Variants in TLL1 observed in about 807,000 individuals in gnomAD.
TLL1 encodes the protein tolloid-like protein 1.
Under a neutral mutation model 128.2 loss-of-function variants are expected in TLL1, and 49 were observed. That is an observed-to-expected ratio of 0.38 (90% CI 0.30 to 0.48). TLL1 has a LOEUF of 0.48. TLL1 is among the 20% of genes least tolerant of loss of function. The pLI is 0.96. For missense variants in TLL1, 1,123 were observed against 1,242.0 expected, an observed-to-expected ratio of 0.90 and a Z score of 1.44; for synonymous variants, 454 against 418.8, an observed-to-expected ratio of 1.08 and a Z score of -1.03.
Position 166,065,873 on chromosome 4 carries a change from T to C in TLL1, c.2188+10T>C, listed in dbSNP as rs1279576247. ...GCACATTTTTTCTCAGGTATAAGCA[T>C]TCACATGTTGTATGTGTATATTACA... On this transcript the variant is annotated intron_variant, in intron 16 of 20. Transcript: ENST00000061240. 6.3e-7 allele frequency: 1 copy of C among 1,592,012 alleles called. No homozygotes were observed. Among genetic ancestry groups the C allele is most frequent in the Non-Finnish European group, 8.6e-7 (1 of 1,168,880 alleles).
chr4:165,958,636 A>G (rs112469774), intron 1 of TLL1, among the ~76,000 whole-genome samples: 4,671 of 124,910 alleles, frequency 0.037, 120 homozygotes, highest in African/African-American at 0.13. Flanking sequence ...AGTAGGTTGC[A>G]AAAATTTTCT....
chr4:166,020,612 C>G (rs1389971256), intron 8 of TLL1, among the ~76,000 whole-genome samples: 1 of 152,078 alleles, frequency 6.6e-6, no homozygotes, highest in African/African-American at 2.4e-5. Context: ...ATTACTTTCC[C>G]TTCTTATTAC....
At chr4:166,056,924 T>A (rs1051442413) in intron 13 of TLL1, among the ~76,000 whole-genome samples, 1 of 152,124 alleles carries the variant, frequency 6.6e-6, no homozygotes, top group African/African-American at 2.4e-5. Context: ...AGAAATGAAT[T>A]GTTTCCATTT....
intron 14 of TLL1, among the ~76,000 whole-genome samples, chr4:166,057,726 G>T (rs898737248): frequency 6.6e-6 from 1 of 152,160 alleles, no homozygotes; most frequent in African/African-American, 2.4e-5. Flanking sequence ...AAGGCACGTC[G>T]TATATGGCAG....
At chr4:165,874,309 G>A (rs1730627201) in intron 1 of TLL1, among the ~76,000 whole-genome samples, 1 of 152,084 alleles carries the variant, frequency 6.6e-6, no homozygotes, top group Admixed American at 6.5e-5. Context: ...CCATCTCCCA[G>A]TTTGGGAATA....
In TLL1 at chr4:166,091,293, T is replaced by C; in HGVS notation, c.2608T>C (p.Ser870Pro). 6.2e-7 allele frequency: 1 copy of C among 1,613,056 alleles called. No homozygotes were observed. The highest frequency in any genetic ancestry group is 8.5e-7 in the Non-Finnish European group (1 of 1,179,390). ...AAATAAAATGTTTGTTCGGTTTGTT[T>C]CTGATGCATCTGTTCAAAGAAAAGG... ...TGNKMFVRFVSDASVQRKGFQ... is the reference protein window; with the variant it reads ...TGNKMFVRFVPDASVQRKGFQ... Residue 870 changes from serine (S) to proline (P), a missense_variant, in exon 19 of 21, where the codon TCT becomes CCT. Physicochemically the swap from Ser to Pro is moderately conservative, Grantham distance 74. Around this residue, in one of 3 missense-constraint regions of TLL1, gnomAD observed 634 missense variants for 672.4 expected, o/e 0.94. Coordinates refer to ENST00000061240, the MANE Select transcript of TLL1 (RefSeq NM_012464.5).
At chr4:166,049,268 C>A (rs55999104) in intron 12 of TLL1, among the ~76,000 whole-genome samples, 17,930 of 152,142 alleles carry the variant, frequency 0.12, 1,132 homozygotes, top group African/African-American at 0.17. Flanking sequence ...CAAGCCCTGG[C>A]TCTGTGCATT....
intron 7 of TLL1, among the ~76,000 whole-genome samples, chr4:166,012,721 G>A (rs1042031750): frequency 6.6e-6 from 1 of 151,564 alleles, no homozygotes; most frequent in African/African-American, 2.4e-5. Context: ...GGTTTCTTAT[G>A]AACTATGCAC....
chr4:165,878,211 A>T (rs548183037), intron 1 of TLL1, among the ~76,000 whole-genome samples: 1 of 152,052 alleles, frequency 6.6e-6, no homozygotes, highest in African/African-American at 2.4e-5. Context: ...GTTCTTTTCC[A>T]TATCTTTATT....
At chr4:166,032,408 G>A (rs1387668671) in intron 9 of TLL1, among the ~76,000 whole-genome samples, 2 of 152,050 alleles carry the variant, frequency 1.3e-5, no homozygotes, top group African/African-American at 2.4e-5. Flanking sequence ...TAATATGGGG[G>A]AGTGGGTTGC....
At chr4:166,046,995 A>G (rs1250035159) in intron 12 of TLL1, among the ~76,000 whole-genome samples, 3 of 152,144 alleles carry the variant, frequency 2.0e-5, no homozygotes, top group East Asian at 3.9e-4. Flanking sequence ...TTGTTTACAT[A>G]TGTTTTCAAT....
intron 19 of TLL1, among the ~76,000 whole-genome samples, chr4:166,096,096 T>C (rs1298965749): frequency 1.3e-5 from 2 of 152,128 alleles, no homozygotes; most frequent in African/African-American, 2.4e-5. Flanking sequence ...GGGCATATTA[T>C]AGGTTGGTGC....
At chr4:166,071,796 T>A (rs1197261193) in intron 16 of TLL1, among the ~76,000 whole-genome samples, 2 of 152,016 alleles carry the variant, frequency 1.3e-5, no homozygotes, top group Non-Finnish European at 2.9e-5. Context: ...AGAATTTATC[T>A]TTTATGAAGT....
chr4:166,102,768 A>AT lies in TLL1; in HGVS notation c.*1897dup, dbSNP rs1742351095. The stretch of plus-strand genomic sequence containing the variant: ...CATATGAATTGTAAAATGTAAATAC[A>AT]TTTTTATAACCAATGTTTTGATCTT... On this transcript the variant is annotated 3_prime_UTR_variant, in exon 21 of 21. Coordinates refer to ENST00000061240, the MANE Select transcript of TLL1 (RefSeq NM_012464.5). 1 of 151,888 alleles carries AT rather than the reference A, an allele frequency of 6.6e-6. No individual in the cohort carries two copies. Among genetic ancestry groups the AT allele is most frequent in the Admixed American group, 6.6e-5 (1 of 15,212 alleles). The allele number at this position is 151,888 out of a possible 1,614,324, so 9.4% of individuals were successfully genotyped here.
rs1742277469 is a variant in TLL1 at position 166,101,316 on chromosome 4, T to A, written c.*440T>A. The A allele has an allele frequency of 3.9e-6, 1 of 256,826 alleles. No homozygotes were observed. Among genetic ancestry groups the A allele is most frequent in the Non-Finnish European group, 7.5e-6 (1 of 132,496 alleles). The allele number at this position is 256,826 out of a possible 1,614,324, so 15.9% of individuals were successfully genotyped here. A position where few individuals can be genotyped will look rare whatever the true frequency, so the allele number is the denominator to read the frequency against. On this transcript the variant is annotated 3_prime_UTR_variant, in exon 21 of 21. Transcript: ENST00000061240. ...TCTTAGGATAATTGCTGACTTTGTA[T>A]CTTGGATACAGTGTAAACCAGATCC... is the stretch of plus-strand genomic sequence containing the variant.
intron 12 of TLL1, among the ~76,000 whole-genome samples, chr4:166,046,250 A>G (rs1462871623): frequency 1.3e-5 from 2 of 152,232 alleles, no homozygotes; most frequent in African/African-American, 4.8e-5. Flanking sequence ...TATTAAAGGC[A>G]TGTAAGTTTC....
At chr4:165,903,451 C>T (rs1443138096) in intron 1 of TLL1, among the ~76,000 whole-genome samples, 3 of 131,974 alleles carry the variant, frequency 2.3e-5, no homozygotes, top group African/African-American at 2.9e-5. Flanking sequence ...CTCACTCTGT[C>T]GCCCAGGCTG....
chr4:165,994,950 T>C, intron 4 of TLL1, 111 bp from the exon 5 acceptor site: 2 of 811,290 alleles, frequency 2.5e-6, no homozygotes, highest in African/African-American at 3.4e-5. Flanking sequence ...CTTTGGTTGA[T>C]GATAGTGGTG....
At chr4:166,050,488 T>C (rs1739663856) in intron 12 of TLL1, among the ~76,000 whole-genome samples, 1 of 152,204 alleles carries the variant, frequency 6.6e-6, no homozygotes. Flanking sequence ...CATATGGTAA[T>C]TCTATTTTTT....
Sources: allele counts gnomAD v4.1 joint callset (sites outside exome capture counted in the v4.1 genomes callset), GRCh38; gene constraint gnomAD v4.1.1; regional missense constraint gnomAD v4.1.1; transcripts MANE v1.5; gene names NCBI Gene and HGNC (gene_info 2026-07-23, HGNC 2026-07-21).